METTL6: variants seen among roughly 807,000 people sequenced by gnomAD.
METTL6 encodes methyltransferase 6, tRNA N3-cytidine, also known as tRNA N(3)-cytidine methyltransferase METTL6.
In METTL6, 22 loss-of-function variants were observed where a neutral mutation model predicts 26.4. The observed-to-expected ratio is 0.83, with a 90% CI of 0.59 to 1.19. METTL6 has a LOEUF of 1.19. METTL6 is among the 50% of genes most tolerant of loss of function. METTL6 has a pLI of 0.00. For synonymous variants in METTL6, 109 were observed against 116.2 expected (o/e 0.94, Z 0.40); for missense variants, 304 against 324.8 (o/e 0.94, Z 0.49).
rs2061731428 is a variant in METTL6, at chr3:15,426,636, C to A, written c.-124-1G>T. ...TTCACGCCTCAAACAGCACAGGGGG[C>A]TTCGCAGAGAAAAGAATTAGATTCT... On this transcript the variant is annotated splice_acceptor_variant, in intron 1 of 5. Coordinates refer to ENST00000383790, the MANE Select transcript of METTL6 (RefSeq NM_152396.4). LOFTEE classifies it low-confidence loss of function (5UTR_SPLICE). The A allele has an allele frequency of 2.4e-6, 2 of 816,894 alleles. No individual in the cohort carries two copies. Among genetic ancestry groups the A allele is most frequent in the Non-Finnish European group, 3.9e-6 (2 of 516,734 alleles). 50.6% of individuals were successfully genotyped at this position (816,894 alleles called of 1,614,324 possible).
intron 4 of METTL6, 73 bp downstream of exon 4, chr3:15,415,699 G>A (rs1700174397): frequency 1.3e-6 from 2 of 1,595,936 alleles, no homozygotes; most frequent in African/African-American, 1.3e-5. Flanking sequence ...GACAGTACAT[G>A]AGCCTCATGA....
At chr3:15,400,915 G>A (rs531769205) in intron 6 of METTL6, among the ~76,000 whole-genome samples, 42 of 152,262 alleles carry the variant, frequency 2.8e-4, no homozygotes, top group African/African-American at 9.6e-4. Context: ...GTGATGGAGT[G>A]CAATGGCTGG....
chr3:15,406,133 T>C (rs1699777142), downstream of METTL6, among the ~76,000 whole-genome samples: 1 of 152,026 alleles, frequency 6.6e-6, no homozygotes, highest in South Asian at 2.1e-4. Context: ...ATTTATACTA[T>C]TTTTTATAGT....
chr3:15,412,874 G>A lies in METTL6; in HGVS notation c.673+1147C>T, dbSNP rs1700032049. 1.3e-5 allele frequency among the ~76,000 whole-genome samples: 2 copies of A among 152,122 alleles called. 1 individual carries two copies. Among genetic ancestry groups the A allele is most frequent in the South Asian group, 4.1e-4 (2 of 4,826 alleles). On this transcript the variant is annotated intron_variant, in intron 5 of 5. Transcript: ENST00000383790. Reference sequence around the variant, plus strand: ...AGGTTAATTATCTTCCTGTCTAGATGATTAGGTAGACTATGTTCAAGACAC... The same window carrying A: ...AGGTTAATTATCTTCCTGTCTAGATAATTAGGTAGACTATGTTCAAGACAC...
intron 6 of METTL6, among the ~76,000 whole-genome samples, chr3:15,396,220 C>CTCATT (rs1414743824): frequency 6.6e-6 from 1 of 152,120 alleles, no homozygotes; most frequent in Non-Finnish European, 1.5e-5. Context: ...CTCTAAACTT[C>CTCATT]TCATTTCATT....
At chr3:15,399,171 T>C (rs182229509) in intron 6 of METTL6, among the ~76,000 whole-genome samples, 3 of 152,188 alleles carry the variant, frequency 2.0e-5, no homozygotes, top group African/African-American at 7.2e-5. Flanking sequence ...GAACCCTCAG[T>C]TCCAGGAATT....
chr3:15,421,538 T>C (rs1056902969), intron 3 of METTL6, among the ~76,000 whole-genome samples: 3 of 152,216 alleles, frequency 2.0e-5, no homozygotes, highest in African/African-American at 7.2e-5. Flanking sequence ...TCATAGCTCA[T>C]GCAGCCTCAA....
exon 7 of METTL6, chr3:15,382,478 C>G (rs1699101024): frequency 6.6e-6 from 1 of 152,026 alleles, no homozygotes; most frequent in African/African-American, 2.4e-5. Context: ...TGAGACCAGC[C>G]TGGGCAATAT....
chr3:15,414,324 G>C (rs1460277551), intron 4 of METTL6, 162 bp from the exon 5 acceptor site: 1 of 1,405,816 alleles, frequency 7.1e-7, no homozygotes, highest in Non-Finnish European at 9.2e-7. Flanking sequence ...AAGATAGTAA[G>C]ACCAGGCAGG....
chr3:15,424,235 G>T (rs974685806), intron 3 of METTL6, among the ~76,000 whole-genome samples: 1 of 152,082 alleles, frequency 6.6e-6, no homozygotes, highest in African/African-American at 2.4e-5. Context: ...ATCTGAATTT[G>T]GAATGGATGT....
chr3:15,400,255 TACCCTCTCCAC>T (rs1361177133), intron 6 of METTL6, among the ~76,000 whole-genome samples: 2 of 152,038 alleles, frequency 1.3e-5, no homozygotes, highest in African/African-American at 4.8e-5. Context: ...GCACCAGATG[TACCCTCTCCAC>T]ACCCTCTCTG....
At chr3:15,425,446 G>A (rs1259466792) in intron 2 of METTL6, among the ~76,000 whole-genome samples, 3 of 152,112 alleles carry the variant, frequency 2.0e-5, no homozygotes, top group Non-Finnish European at 4.4e-5. Context: ...TCACAGAGCC[G>A]GTATAAGGGT....
intron 4 of METTL6, chr3:15,414,396 C>G: frequency 8.4e-7 from 1 of 1,187,782 alleles, no homozygotes; most frequent in East Asian, 4.7e-5. Flanking sequence ...TGCTCTGTCG[C>G]CCAGGCTGGA....
chr3:15,392,807 A>G (rs1699385412), intron 6 of METTL6, among the ~76,000 whole-genome samples: 1 of 152,188 alleles, frequency 6.6e-6, no homozygotes, highest in South Asian at 2.1e-4. Context: ...AGATAGTTGT[A>G]GATATGTGGC....
chr3:15,389,921 T>C (rs1043229679), intron 6 of METTL6, among the ~76,000 whole-genome samples: 1 of 150,478 alleles, frequency 6.6e-6, no homozygotes. Flanking sequence ...AGTGAAATTA[T>C]AGCTCAGTGC....
chr3:15,423,654 T>C (rs2061656359), intron 3 of METTL6, among the ~76,000 whole-genome samples: 2 of 151,468 alleles, frequency 1.3e-5, no homozygotes, highest in African/African-American at 4.9e-5. Flanking sequence ...GGGAGGATTG[T>C]TTGAGCCCAG....
At chr3:15,381,627 A>T (rs941684587) in exon 7 of METTL6, 1 of 152,184 alleles carries the variant, frequency 6.6e-6, no homozygotes, top group South Asian at 2.1e-4. Flanking sequence ...TTCCTTCTAT[A>T]GTTAGCTTGG....
In METTL6 at chr3:15,393,305, A is replaced by G. The variant is rs376826674; in HGVS notation, c.*12-9118T>C. On this transcript the variant is annotated intron_variant, in intron 6 of 6. Coordinates refer to the METTL6 transcript ENST00000443029. ...TGATTTGGCTCTCTGTTTGTCTGTT[A>G]TTGGTGTATAAGAATGCTTGTGATT... Among the ~76,000 whole-genome samples, 55 of 152,132 alleles carry G rather than the reference A, an allele frequency of 3.6e-4. 2 individuals carry two copies. In the East Asian group the frequency reaches 9.1e-3, roughly 25 times the overall value.
chr3:15,394,004 G>A (rs1279930290), intron 6 of METTL6, among the ~76,000 whole-genome samples: 6 of 152,132 alleles, frequency 3.9e-5, no homozygotes, highest in Admixed American at 6.5e-5. Flanking sequence ...GGATGATGCT[G>A]GCCTCATAAA....
Sources: gnomAD v4.1 joint callset for allele counts (sites outside exome capture counted in the v4.1 genomes callset) on GRCh38, gnomAD v4.1.1 for gene constraint, MANE v1.5 for transcripts, NCBI Gene and HGNC (gene_info 2026-07-23, HGNC 2026-07-21) for gene names.